The following SPATA13 variants were observed in gnomAD, a reference collection of about 807,000 sequenced individuals.
The protein encoded by SPATA13 is spermatogenesis associated 13, also known as spermatogenesis-associated protein 13.
A neutral mutation model predicts 104.0 loss-of-function variants in SPATA13; 50 were observed. The observed-to-expected ratio is 0.48, with a 90% confidence interval of 0.38 to 0.61. SPATA13 has a LOEUF of 0.61. SPATA13 is among the 20% of genes least tolerant of loss of function. SPATA13 has a pLI of 0.00. For missense variants in SPATA13, 1,524 were observed against 1,690.6 expected (o/e 0.90, Z 1.73); for synonymous variants, 606 against 667.5 (o/e 0.91, Z 1.42).
intron 10 of SPATA13, 152 bp downstream of exon 10, chr13:24,295,020 A>G: frequency 1.3e-6 from 1 of 774,130 alleles, no homozygotes; most frequent in Non-Finnish European, 1.9e-6. Context: ...ATTTCGAGGC[A>G]TACTGTTGAA....
intron 1 of SPATA13, among the ~76,000 whole-genome samples, chr13:24,188,081 C>A (rs1052318988): frequency 3.3e-5 from 5 of 152,134 alleles, no homozygotes; most frequent in Admixed American, 6.5e-5. Flanking sequence ...TGGCTCATGC[C>A]TGTAACCCTA....
rs1004670151 is a variant in SPATA13 at position 24,222,986 on chromosome 13, C to T, written c.57C>T (p.Ala19=). The change falls in exon 2 of 13, where the codon GCC becomes GCT. Residue 19 remains alanine, a synonymous_variant. Coordinates refer to ENST00000382108, the MANE Select transcript of SPATA13 (RefSeq NM_001166271.3). ...WAPCLENMTT[A]PNGLGPGPAA... Reference sequence around the variant, plus strand: ...CCTGCCTGGAGAACATGACCACTGCCCCAAACGGCCTCGGGCCAGGCCCCG... The same window carrying T: ...CCTGCCTGGAGAACATGACCACTGCTCCAAACGGCCTCGGGCCAGGCCCCG... The T allele has an allele frequency of 1.9e-6, 3 of 1,551,168 alleles. No individual in the cohort carries two copies. Among genetic ancestry groups the T allele is most frequent in the African/African-American group, 2.7e-5 (2 of 73,058 alleles).
At chr13:24,001,612 C>A (rs922326581) in intron 2 of SPATA13, among the ~76,000 whole-genome samples, 4 of 151,802 alleles carry the variant, frequency 2.6e-5, no homozygotes, top group African/African-American at 9.7e-5. Flanking sequence ...CCAGGAGACC[C>A]TAGCAGAGAC....
intron 3 of SPATA13, among the ~76,000 whole-genome samples, chr13:24,116,908 T>C (rs1175720223): frequency 6.6e-6 from 1 of 152,166 alleles, no homozygotes; most frequent in Non-Finnish European, 1.5e-5. Flanking sequence ...TTGTGTCCTC[T>C]CTCTCTGCAA....
chr13:24,050,377 A>C (rs1218935654), intron 3 of SPATA13, among the ~76,000 whole-genome samples: 2 of 152,104 alleles, frequency 1.3e-5, no homozygotes, highest in Middle Eastern at 3.2e-3. Flanking sequence ...TCCCCGCTTG[A>C]CTCATCCTCA....
chr13:24,233,886 A>AAC (rs10571334), intron 2 of SPATA13, among the ~76,000 whole-genome samples: 2,127 of 147,636 alleles, frequency 0.014, 30 homozygotes, highest in Admixed American at 0.042. Context: ...TATACACTTA[A>AAC]ACACACACAC....
At chr13:24,214,251 A>G (rs993202025) in intron 1 of SPATA13, among the ~76,000 whole-genome samples, 1 of 152,164 alleles carries the variant, frequency 6.6e-6, no homozygotes, top group South Asian at 2.1e-4. Flanking sequence ...AGACACTTTT[A>G]CCTAAGGCCA....
At chr13:24,017,707 A>G (rs1876781794) in intron 3 of SPATA13, 1 of 985,294 alleles carries the variant, frequency 1.0e-6, no homozygotes, top group Non-Finnish European at 1.2e-6. Flanking sequence ...ACTCGGTAAG[A>G]AGGGCCTCGA....
At chr13:24,236,416 C>A (rs1872569059) in intron 2 of SPATA13, among the ~76,000 whole-genome samples, 1 of 151,754 alleles carries the variant, frequency 6.6e-6, no homozygotes, top group Non-Finnish European at 1.5e-5. Flanking sequence ...CATGGTGAAA[C>A]CTTGTCTCTA....
chr13:24,304,522 G>A lies in SPATA13; in HGVS notation c.*1749G>A, dbSNP rs1263309490. The A allele has an allele frequency of 6.6e-6, 1 of 152,112 alleles. No individual in the cohort carries two copies. The highest frequency in any genetic ancestry group is 2.4e-5 in the African/African-American group (1 of 41,412). The allele number at this position is 152,112 out of a possible 1,614,324, so 9.4% of individuals were successfully genotyped here. A position where few individuals can be genotyped will look rare whatever the true frequency, so the allele number is the denominator to read the frequency against. On this transcript the variant is annotated 3_prime_UTR_variant, in exon 13 of 13. Coordinates refer to ENST00000382108, the MANE Select transcript of SPATA13 (RefSeq NM_001166271.3). Reference sequence around the variant, plus strand: ...CAAGTCTGTGATGTCAGAGACAAAGGTGTATTCTTCAGTCTGCAGGTGTGT... The same window carrying A: ...CAAGTCTGTGATGTCAGAGACAAAGATGTATTCTTCAGTCTGCAGGTGTGT...
chr13:24,089,876 C>T (rs188939638), intron 3 of SPATA13, among the ~76,000 whole-genome samples: 48 of 152,308 alleles, frequency 3.2e-4, no homozygotes, highest in African/African-American at 1.1e-3. Flanking sequence ...CCAGTCTCCA[C>T]TTCCAAGATG....
At chr13:24,145,558 G>C (rs1881902442) in intron 3 of SPATA13, among the ~76,000 whole-genome samples, 1 of 152,176 alleles carries the variant, frequency 6.6e-6, no homozygotes, top group Non-Finnish European at 1.5e-5. Flanking sequence ...GAGTCAGAGG[G>C]GTGGCATTGG....
chr13:24,236,910 A>G (rs1400380164), intron 2 of SPATA13, among the ~76,000 whole-genome samples: 3 of 152,198 alleles, frequency 2.0e-5, no homozygotes, highest in African/African-American at 7.2e-5. Context: ...AAAAGAATTG[A>G]AAACAGGACT....
intron 4 of SPATA13, among the ~76,000 whole-genome samples, chr13:24,260,443 T>C (rs1046504797): frequency 2.6e-5 from 4 of 152,188 alleles, no homozygotes; most frequent in African/African-American, 9.7e-5. Flanking sequence ...GTCCCACAAG[T>C]AGAGTTGTAT....
chr13:24,302,776 A>G lies in SPATA13; in HGVS notation c.*3A>G. Reference sequence around the variant, plus strand: ...GGCTCACCCCCTTCCGGAAATGAAAACAGGAGGCTGTGCTTCCATGGAGCT... The same window carrying G: ...GGCTCACCCCCTTCCGGAAATGAAAGCAGGAGGCTGTGCTTCCATGGAGCT... On this transcript the variant is annotated 3_prime_UTR_variant, in exon 13 of 13. Coordinates refer to ENST00000382108, the MANE Select transcript of SPATA13 (RefSeq NM_001166271.3). 6.2e-7 allele frequency: 1 copy of G among 1,614,072 alleles called. No individual in the cohort carries two copies. The highest frequency in any genetic ancestry group is 8.5e-7 in the Non-Finnish European group (1 of 1,180,014).
intron 3 of SPATA13, among the ~76,000 whole-genome samples, chr13:24,141,184 A>AAAG (rs1279659335): frequency 6.7e-6 from 1 of 149,972 alleles, no homozygotes; most frequent in East Asian, 2.0e-4. Flanking sequence ...AAAAAAAAAA[A>AAAG]AGAAAAAGAA....
intron 3 of SPATA13, among the ~76,000 whole-genome samples, chr13:24,099,875 A>T (rs1880199963): frequency 6.6e-6 from 1 of 152,216 alleles, no homozygotes; most frequent in Admixed American, 6.5e-5. Flanking sequence ...CTAAACTGTC[A>T]TGTCTGTGAA....
intron 4 of SPATA13, among the ~76,000 whole-genome samples, chr13:24,281,844 G>A (rs189504063): frequency 5.3e-5 from 8 of 152,268 alleles, no homozygotes; most frequent in South Asian, 4.1e-4. Flanking sequence ...CTGGCAGCAC[G>A]TGCACACCTT....
At chr13:24,132,585 A>G (rs186130539) in intron 3 of SPATA13, among the ~76,000 whole-genome samples, 156 of 152,378 alleles carry the variant, frequency 1.0e-3, no homozygotes, top group Non-Finnish European at 1.9e-3. Context: ...TTTGAAAAGT[A>G]TTAACATTAT....
Sources: allele counts gnomAD v4.1 joint callset (sites outside exome capture counted in the v4.1 genomes callset), GRCh38; gene constraint gnomAD v4.1.1; transcripts MANE v1.5; gene names NCBI Gene and HGNC (gene_info 2026-07-23, HGNC 2026-07-21).